The following STOML3 variants were observed in gnomAD, a reference collection of about 807,000 sequenced individuals.
The protein encoded by STOML3 is stomatin like 3, also known as stomatin-like protein 3.
STOML3 carries 31 observed loss-of-function variants against 29.5 expected under a neutral mutation model. The ratio of observed to expected loss-of-function variants is 1.05; its 90% confidence interval spans 0.79 to 1.42. STOML3 has a LOEUF of 1.42. Among genes scored for constraint, STOML3 ranks in the 40% most tolerant of loss-of-function variants. The pLI, the probability that STOML3 is intolerant of heterozygous loss-of-function variation, is 0.00. For missense variants in STOML3, 380 were observed against 363.0 expected, an observed-to-expected ratio of 1.05 and a Z score of -0.38; for synonymous variants, 122 against 139.8, an observed-to-expected ratio of 0.87 and a Z score of 0.90.
Position 38,976,624 on chromosome 13 carries a change from A to G in STOML3, c.157-12T>C. Reference sequence around the variant, plus strand: ...TACTCCTTAATGATCTAGGAGATTAAGGGCGAACGTTTAGTCCTAATGGTT... The same window carrying G: ...TACTCCTTAATGATCTAGGAGATTAGGGGCGAACGTTTAGTCCTAATGGTT... On this transcript the variant is annotated splice_polypyrimidine_tract_variant and intron_variant, in intron 2 of 6. Transcript: ENST00000379631. 6.2e-7 allele frequency: 1 copy of G among 1,614,168 alleles called. No homozygotes were observed. The highest frequency in any genetic ancestry group is 1.7e-5 in the Admixed American group (1 of 60,034).
chr13:38,977,782 C>T (rs975441727), intron 1 of STOML3, among the ~76,000 whole-genome samples: 22 of 85,208 alleles, frequency 2.6e-4, no homozygotes, highest in Middle Eastern at 0.027. Context: ...TTTTTTGAGA[C>T]GGAGTCTCGC....
intron 6 of STOML3, among the ~76,000 whole-genome samples, chr13:38,967,379 G>A (rs1880697475): frequency 6.6e-6 from 1 of 152,166 alleles, no homozygotes; most frequent in Non-Finnish European, 1.5e-5. Flanking sequence ...ACTACTTGCT[G>A]CATTCATTTC....
At chr13:38,970,911 G>A (rs192775710) in intron 4 of STOML3, among the ~76,000 whole-genome samples, 21 of 152,268 alleles carry the variant, frequency 1.4e-4, no homozygotes, top group African/African-American at 4.8e-4. Context: ...GGATGTTTTG[G>A]AGCAAATGAG....
intron 1 of STOML3, among the ~76,000 whole-genome samples, chr13:38,988,595 T>C (rs1360352990): frequency 8.7e-6 from 1 of 114,762 alleles, no homozygotes; most frequent in Non-Finnish European, 1.6e-5. Flanking sequence ...TTATATATAA[T>C]ATATTATATA....
Position 38,974,319 on chromosome 13 carries a change from T to A in STOML3, c.230-1725A>T, listed in dbSNP as rs1316291880. Among the ~76,000 whole-genome samples the A allele has an allele frequency of 5.3e-5, 8 of 152,206 alleles. No individual in the cohort carries two copies. In the East Asian group the frequency reaches 1.5e-3, roughly 29 times the overall value. ...CAAACACCGTGTAAAGGGGTGGCAG[T>A]ATCACCACCCCTTTACACAGTGTTT... On this transcript the variant is annotated intron_variant, in intron 3 of 6. Transcript: ENST00000379631.
chr13:38,973,857 A>G (rs1434034969), intron 3 of STOML3, among the ~76,000 whole-genome samples: 1 of 152,234 alleles, frequency 6.6e-6, no homozygotes, highest in African/African-American at 2.4e-5. Context: ...AGATTCAAGT[A>G]ATAGATTTGG....
intron 1 of STOML3, among the ~76,000 whole-genome samples, chr13:38,983,883 A>T (rs940733836): frequency 6.6e-6 from 1 of 152,182 alleles, no homozygotes; most frequent in African/African-American, 2.4e-5. Flanking sequence ...TTAAGGCATT[A>T]TTTTGAAAGT....
intron 1 of STOML3, among the ~76,000 whole-genome samples, chr13:38,985,576 C>G (rs1300534855): frequency 6.6e-6 from 1 of 152,120 alleles, no homozygotes; most frequent in Non-Finnish European, 1.5e-5. Context: ...AATAAAAATA[C>G]TTCGTCCTTG....
At position 38,976,628 on chromosome 13, in the gene STOML3, C is replaced by T. The variant is rs377002430; in HGVS notation, c.157-16G>A. On this transcript the variant is annotated splice_polypyrimidine_tract_variant and intron_variant, in intron 2 of 6. Coordinates refer to ENST00000379631, the MANE Select transcript of STOML3 (RefSeq NM_145286.3). ...CCTTAATGATCTAGGAGATTAAGGGCGAACGTTTAGTCCTAATGGTTTGTC... is the reference window on the plus strand; with the variant it reads ...CCTTAATGATCTAGGAGATTAAGGGTGAACGTTTAGTCCTAATGGTTTGTC... 6.6e-5 allele frequency: 107 copies of T among 1,613,942 alleles called. No homozygotes were observed. Among genetic ancestry groups the T allele is most frequent in the Middle Eastern group, 1.6e-4 (1 of 6,084 alleles).
intron 1 of STOML3, among the ~76,000 whole-genome samples, chr13:38,987,423 C>T (rs1868625547): frequency 6.6e-6 from 1 of 151,814 alleles, no homozygotes; most frequent in Non-Finnish European, 1.5e-5. Context: ...ACTCAGGAGG[C>T]TGAGGTTGCA....
chr13:38,966,812 C>T lies in STOML3; in HGVS notation c.*13G>A. The T allele has an allele frequency of 6.2e-7, 1 of 1,608,468 alleles. No individual in the cohort carries two copies. Among genetic ancestry groups the T allele is most frequent in the Non-Finnish European group, 8.5e-7 (1 of 1,176,400 alleles). On this transcript the variant is annotated 3_prime_UTR_variant, in exon 7 of 7. Coordinates refer to ENST00000379631, the MANE Select transcript of STOML3 (RefSeq NM_145286.3). ...CCACTCTCTATGCAATAGCTGACTA[C>T]CGCAAGAGGACCTCAGGCTTTATTT...
In STOML3 at chr13:38,966,928, G is replaced by A. The variant is rs1880672217; in HGVS notation, c.773C>T (p.Thr258Ile). ...RYLQTLSTVA[T>I]EKNSTIVFPL... ...AAACACAATCGTAGAATTCTTCTCG[G>A]TGGCTACCGTGCTCAAGGTCTGCAG... is the stretch of plus-strand genomic sequence containing the variant. Residue 258 changes from threonine (T) to isoleucine (I), a missense_variant, in exon 7 of 7, where the codon ACC (threonine) becomes ATC (isoleucine). Coordinates refer to ENST00000379631, the MANE Select transcript of STOML3 (RefSeq NM_145286.3). 3 of 1,614,052 alleles carry A rather than the reference G, an allele frequency of 1.9e-6. No individual in the cohort carries two copies. The highest frequency in any genetic ancestry group is 2.5e-6 in the Non-Finnish European group (3 of 1,180,006).
intron 3 of STOML3, among the ~76,000 whole-genome samples, chr13:38,975,384 C>T (rs1396225776): frequency 6.6e-6 from 1 of 151,736 alleles, no homozygotes. Flanking sequence ...ACAAGCTTCT[C>T]CTCTTGAAGT....
At chr13:38,984,117 C>T (rs192962649) in intron 1 of STOML3, among the ~76,000 whole-genome samples, 19 of 152,234 alleles carry the variant, frequency 1.2e-4, no homozygotes, top group East Asian at 9.7e-4. Context: ...GCTTCACACA[C>T]GGGCTCTTCC....
chr13:38,980,146 CAAGAG>C (rs1447737227), intron 1 of STOML3: 2 of 1,550,330 alleles, frequency 1.3e-6, no homozygotes, highest in Non-Finnish European at 1.7e-6. Flanking sequence ...CTGAGAGAGA[CAAGAG>C]AAGAGAATGT....
chr13:38,985,900 T>C (rs2138025597), intron 1 of STOML3, among the ~76,000 whole-genome samples: 1 of 112,902 alleles, frequency 8.9e-6, no homozygotes, highest in Middle Eastern at 4.2e-3. Flanking sequence ...TTTTTTTTTT[T>C]TCTTTTCTTT....
chr13:38,968,536 T>A lies in STOML3; in HGVS notation c.517-2A>T. On this transcript the variant is annotated splice_acceptor_variant, in intron 5 of 6. Transcript: ENST00000379631. LOFTEE classifies it high-confidence loss of function. ...TTCGGTGGCATCATCAAGTAAAGTC[T>A]GTTTCCAAATTAAAAGGGAAGACTA... The A allele has an allele frequency of 6.2e-7, 1 of 1,613,992 alleles. No homozygotes were observed. The highest frequency in any genetic ancestry group is 8.5e-7 in the Non-Finnish European group (1 of 1,179,858).
At position 38,970,359 on chromosome 13, in the gene STOML3, C is replaced by T; in HGVS notation, c.342G>A (p.Gln114=). The T allele has an allele frequency of 1.9e-6, 3 of 1,614,112 alleles. No homozygotes were observed. Among genetic ancestry groups the T allele is most frequent in the Non-Finnish European group, 2.5e-6 (3 of 1,180,016 alleles). The part of the protein sequence containing the change: ...EILTRDSVTT[Q]VDGVVYYRIY... ...TTCTGTAATAGACAACTCCATCTACCTGAGTAGTTACGGAGTCTCTGGTGA... is the reference window on the plus strand; with the variant it reads ...TTCTGTAATAGACAACTCCATCTACTTGAGTAGTTACGGAGTCTCTGGTGA... The change falls in exon 5 of 7, where the codon CAG becomes CAA. Residue 114 remains glutamine (Q), a synonymous_variant. Transcript: ENST00000379631.
intron 1 of STOML3, among the ~76,000 whole-genome samples, chr13:38,989,114 T>C (rs1460378136): frequency 6.6e-6 from 1 of 151,234 alleles, no homozygotes; most frequent in Non-Finnish European, 1.5e-5. Flanking sequence ...TCTCAGAGAA[T>C]GGTCCACACT....
Sources: gnomAD v4.1 joint callset for allele counts (sites outside exome capture counted in the v4.1 genomes callset) on GRCh38, gnomAD v4.1.1 for gene constraint, MANE v1.5 for transcripts, NCBI Gene and HGNC (gene_info 2026-07-23, HGNC 2026-07-21) for gene names.